The following CATSPERD variants were observed in gnomAD, a reference collection of about 807,000 sequenced individuals.
CATSPERD encodes the protein catsper channel auxiliary subunit delta.
A neutral mutation model predicts 98.1 loss-of-function variants in CATSPERD; 86 were observed. The observed-to-expected ratio is 0.88, with a 90% CI of 0.74 to 1.05. CATSPERD has a LOEUF of 1.05. CATSPERD is among the 50% of genes least tolerant of loss of function. The pLI, the probability that CATSPERD is intolerant of heterozygous loss-of-function variation, is 0.00. For synonymous variants in CATSPERD, 394 were observed against 390.2 expected, an observed-to-expected ratio of 1.01 and a Z score of -0.12; for missense variants, 995 against 1,005.7, an observed-to-expected ratio of 0.99 and a Z score of 0.14.
intron 19 of CATSPERD, chr19:5,772,052 CTT>C (rs745956659): frequency 6.2e-4 from 57 of 91,354 alleles, no homozygotes; most frequent in South Asian, 3.0e-3. Context: ...TTCCTTTTTT[CTT>C]TTTTTTTTTT....
chr19:5,723,979 G>A (rs966559116), intron 1 of CATSPERD, among the ~76,000 whole-genome samples: 13 of 151,892 alleles, frequency 8.6e-5, no homozygotes, highest in African/African-American at 3.1e-4. Flanking sequence ...ATTTAGTAGA[G>A]ACAGGGTTTC....
In CATSPERD at chr19:5,754,090, A is replaced by C. The variant is rs375589295; in HGVS notation, c.1165-42A>C. 4.1e-5 allele frequency: 56 copies of C among 1,380,170 alleles called. No homozygotes were observed. In the African/African-American group the frequency reaches 7.4e-4, roughly 18 times the overall value. The allele number at this position is 1,380,170 out of a possible 1,614,324, so 85.5% of individuals were successfully genotyped here. On this transcript the variant is annotated intron_variant, in intron 12 of 21. Coordinates refer to ENST00000381624, the MANE Select transcript of CATSPERD (RefSeq NM_152784.4). ...CACCTCCTTGCCCTTTCTTTATGGG[A>C]ACAGGAGCATGATTATCTTTCTTCT...
At position 5,739,391 on chromosome 19, in the gene CATSPERD, T is replaced by C. The variant is rs2055912918; in HGVS notation, c.525T>C (p.Tyr175=). 6.3e-7 allele frequency: 1 copy of C among 1,585,152 alleles called. No homozygotes were observed. Among genetic ancestry groups the C allele is most frequent in the South Asian group, 1.2e-5 (1 of 85,276 alleles). ...AGATATCCCAGACTTATATATATTA[T>C]TCAAATACTGGGGGATTCAGTTTTT... is the stretch of plus-strand genomic sequence containing the variant. ...GDQISQTYIY[Y]SNTGGFSFWK... is the part of the protein sequence containing the mutation. Residue 175 remains tyrosine (Y), a synonymous_variant, in exon 7 of 22, where the codon TAT becomes TAC. Transcript: ENST00000381624.
At chr19:5,750,423 C>T (rs2056188322) in intron 11 of CATSPERD, among the ~76,000 whole-genome samples, 1 of 122,108 alleles carries the variant, frequency 8.2e-6, no homozygotes, top group African/African-American at 3.0e-5. Flanking sequence ...TGCACTCTAG[C>T]CTGGGTGACT....
rs767481053 is a variant in CATSPERD at position 5,727,265 on chromosome 19, TAGG to T, written c.127-1_128del. The T allele has an allele frequency of 6.2e-7, 1 of 1,610,196 alleles. No individual in the cohort carries two copies. Among genetic ancestry groups the T allele is most frequent in the East Asian group, 2.2e-5 (1 of 44,854 alleles). On this transcript the variant is annotated splice_acceptor_variant and coding_sequence_variant, in exon 3 of 22. Coordinates refer to ENST00000381624, the MANE Select transcript of CATSPERD (RefSeq NM_152784.4). LOFTEE classifies it high-confidence loss of function. ...TATTAAGATTTTGTGATTATCTCTC[TAGG>T]ACCGCCTGTATTTTCATCCTACAAC...
At chr19:5,750,320 C>T (rs1216796612) in intron 11 of CATSPERD, among the ~76,000 whole-genome samples, 7 of 149,604 alleles carry the variant, frequency 4.7e-5, no homozygotes, top group Non-Finnish European at 7.4e-5. Flanking sequence ...GGCGTGGTGG[C>T]GGCACCTGTA....
Position 5,746,062 on chromosome 19 carries a change from A to G in CATSPERD, c.807A>G (p.Ala269=), listed in dbSNP as rs753806882. The change falls in exon 9 of 22, where the codon GCA becomes GCG. Residue 269 remains alanine (A), a splice_region_variant and synonymous_variant. Coordinates refer to ENST00000381624, the MANE Select transcript of CATSPERD (RefSeq NM_152784.4). ...FENSLLFSHN[A]GQLVDTVRVK... Reference sequence around the variant, plus strand: ...ACAGCCTGTTGTTTTCCCATAATGCAGGTGAGCCCAGGGGCCCAGGGTGGG... The same window carrying G: ...ACAGCCTGTTGTTTTCCCATAATGCGGGTGAGCCCAGGGGCCCAGGGTGGG... 3 of 1,613,546 alleles carry G rather than the reference A, an allele frequency of 1.9e-6. No homozygotes were observed. Among genetic ancestry groups the G allele is most frequent in the East Asian group, 4.5e-5 (2 of 44,838 alleles).
At chr19:5,735,418 C>T (rs898887101) in intron 5 of CATSPERD, among the ~76,000 whole-genome samples, 9 of 152,328 alleles carry the variant, frequency 5.9e-5, no homozygotes, top group South Asian at 2.1e-4. Context: ...TCAAGCGATT[C>T]TCCTGCCTTA....
At chr19:5,746,146 A>C in intron 9 of CATSPERD, 83 bp downstream of exon 9, 2 of 1,448,378 alleles carry the variant, frequency 1.4e-6, no homozygotes, top group South Asian at 2.3e-5. Context: ...AGGGGAGGGG[A>C]AGGAGCAACC....
At chr19:5,765,780 C>G (rs2145840816) in intron 16 of CATSPERD, among the ~76,000 whole-genome samples, 1 of 151,936 alleles carries the variant, frequency 6.6e-6, no homozygotes, top group South Asian at 2.1e-4. Flanking sequence ...CCACTGCACT[C>G]CAGCCTGGGT....
intron 13 of CATSPERD, among the ~76,000 whole-genome samples, chr19:5,755,134 A>G (rs956970621): frequency 6.6e-6 from 1 of 151,894 alleles, no homozygotes; most frequent in African/African-American, 2.4e-5. Flanking sequence ...GTGAGCCACC[A>G]TGCTGGCCTC....
At chr19:5,725,213 G>A (rs563181230) in intron 2 of CATSPERD, among the ~76,000 whole-genome samples, 67 of 152,168 alleles carry the variant, frequency 4.4e-4, no homozygotes, top group African/African-American at 1.6e-3. Flanking sequence ...GTGCAGTGGC[G>A]CAATCTCGGC....
chr19:5,741,685 G>C (rs771131617), intron 7 of CATSPERD, among the ~76,000 whole-genome samples: 3 of 150,274 alleles, frequency 2.0e-5, no homozygotes, highest in Non-Finnish European at 4.4e-5. Flanking sequence ...AGTTAAGCTA[G>C]AATGAGGTCA....
chr19:5,729,039 G>A (rs2055665422), intron 3 of CATSPERD, among the ~76,000 whole-genome samples: 1 of 151,380 alleles, frequency 6.6e-6, no homozygotes, highest in Non-Finnish European at 1.5e-5. Context: ...AGGCTATTAT[G>A]AGAAATGCCA....
At chr19:5,744,339 G>A in intron 7 of CATSPERD, 88 bp from the exon 8 acceptor site, 1 of 1,137,846 alleles carries the variant, frequency 8.8e-7, no homozygotes, top group South Asian at 1.3e-5. Flanking sequence ...TTCCTTCATT[G>A]TAACTTATTA....
chr19:5,754,146 A>G lies in CATSPERD; in HGVS notation c.1179A>G (p.Thr393=), dbSNP rs200400754. The G allele has an allele frequency of 4.8e-5, 78 of 1,609,984 alleles. No homozygotes were observed. In the African/African-American group the frequency reaches 9.8e-4, roughly 20 times the overall value. Residue 393 remains threonine (T), a synonymous_variant, in exon 13 of 22, where the codon ACA becomes ACG. Coordinates refer to ENST00000381624, the MANE Select transcript of CATSPERD (RefSeq NM_152784.4). ...HVGKCKIEFL[T]GEFIYRMYTI... ...TTTTTAACTAGATAGAGTTTCTGAC[A>G]GGAGAATTTATATACAGGATGTATA... is the stretch of plus-strand genomic sequence containing the variant.
Position 5,776,185 on chromosome 19 carries a change from A to G in CATSPERD, c.1966A>G (p.Asn656Asp). 2 of 1,614,180 alleles carry G rather than the reference A, an allele frequency of 1.2e-6. No homozygotes were observed. Among genetic ancestry groups the G allele is most frequent in the Non-Finnish European group, 1.7e-6 (2 of 1,180,014 alleles). ...RENYVSCHDP[N>D]NNAPLRWPDV... is the part of the protein sequence containing the mutation. ...GAACTATGTGAGCTGCCACGACCCC[A>G]ACAACAATGCCCCTTTGAGGTGGCC... is the stretch of plus-strand genomic sequence containing the variant. The change falls in exon 21 of 22, where the codon AAC becomes GAC. Residue 656 changes from asparagine (N) to aspartate (D), a missense_variant. Physicochemically the swap from Asn to Asp is conservative, Grantham distance 23. This residue lies in a region of CATSPERD where 762 missense variants were observed against 773.7 expected (regional missense o/e 0.98). Coordinates refer to ENST00000381624, the MANE Select transcript of CATSPERD (RefSeq NM_152784.4).
Position 5,739,388 on chromosome 19 carries a change from T to C in CATSPERD, c.522T>C (p.Tyr174=), listed in dbSNP as rs1160291815. The C allele has an allele frequency of 6.3e-7, 1 of 1,586,128 alleles. No homozygotes were observed. The highest frequency in any genetic ancestry group is 1.4e-5 in the African/African-American group (1 of 72,898). The change falls in exon 7 of 22, where the codon TAT becomes TAC. Residue 174 remains tyrosine (Y), a synonymous_variant. Transcript: ENST00000381624. ...RGDQISQTYI[Y]YSNTGGFSFW... is the part of the protein sequence containing the mutation. Reference sequence around the variant, plus strand: ...ATCAGATATCCCAGACTTATATATATTATTCAAATACTGGGGGATTCAGTT... The same window carrying C: ...ATCAGATATCCCAGACTTATATATACTATTCAAATACTGGGGGATTCAGTT...
chr19:5,757,599 ATTTTT>A lies in CATSPERD; in HGVS notation c.1279-226_1279-222del, dbSNP rs534531838. ...GGCGTGAGCCACCGCGCCTGGCCAAATTTTTTTTTTTTTTTTTTTTTTGTAGAGAC... is the reference window on the plus strand; with the variant it reads ...GGCGTGAGCCACCGCGCCTGGCCAAATTTTTTTTTTTTTTTTTGTAGAGAC... On this transcript the variant is annotated intron_variant, in intron 13 of 21. Coordinates refer to ENST00000381624, the MANE Select transcript of CATSPERD (RefSeq NM_152784.4). Among the ~76,000 whole-genome samples the A allele has an allele frequency of 3.0e-3, 271 of 91,824 alleles. 2 individuals are homozygous for A. The highest frequency in any genetic ancestry group is 0.01 in the African/African-American group (256 of 24,944). The allele number at this position is 91,824 out of a possible 152,430, so 60.2% of individuals were successfully genotyped here. A position where few individuals can be genotyped will look rare whatever the true frequency, so the allele number is the denominator to read the frequency against.
Sources: gnomAD v4.1 joint callset for allele counts (sites outside exome capture counted in the v4.1 genomes callset) on GRCh38, gnomAD v4.1.1 for gene constraint, gnomAD v4.1.1 regional missense constraint, MANE v1.5 for transcripts, NCBI Gene and HGNC (gene_info 2026-07-23, HGNC 2026-07-21) for gene names.